Variants in HS6ST3 observed in about 807,000 individuals in gnomAD.
HS6ST3 encodes heparan-sulfate 6-O-sulfotransferase 3.
Under a neutral mutation model 36.7 loss-of-function variants are expected in HS6ST3, and 12 were observed. That is an observed-to-expected ratio of 0.33 (90% confidence interval 0.21 to 0.53). The LOEUF (loss-of-function observed/expected upper bound fraction) is 0.53. Among genes scored for constraint, HS6ST3 ranks in the 20% least tolerant of loss-of-function variants. The pLI is 0.95. For missense variants in HS6ST3, 584 were observed against 640.9 expected (o/e 0.91, Z 0.96); for synonymous variants, 240 against 257.5 (o/e 0.93, Z 0.65).
At chr13:96,756,059 C>T (rs1202079429) in intron 1 of HS6ST3, among the ~76,000 whole-genome samples, 2 of 152,172 alleles carry the variant, frequency 1.3e-5, no homozygotes, top group East Asian at 1.9e-4. Flanking sequence ...TTAGCTTACA[C>T]TTCCCTGTTT....
At chr13:96,423,879 A>C (rs2055573610) in intron 1 of HS6ST3, among the ~76,000 whole-genome samples, 1 of 152,216 alleles carries the variant, frequency 6.6e-6, no homozygotes, top group South Asian at 2.1e-4. Context: ...GTGACTGCAT[A>C]GCACGACCTG....
chr13:96,793,029 T>C (rs1877828655), intron 1 of HS6ST3, among the ~76,000 whole-genome samples: 1 of 152,058 alleles, frequency 6.6e-6, no homozygotes, highest in African/African-American at 2.4e-5. Context: ...CCATGCTTTG[T>C]AAGTTAGAAG....
intron 1 of HS6ST3, among the ~76,000 whole-genome samples, chr13:96,247,063 C>T (rs2054588013): frequency 6.6e-6 from 1 of 151,910 alleles, no homozygotes; most frequent in African/African-American, 2.4e-5. Context: ...TTTATTACAC[C>T]CTGGGCTGAG....
intron 1 of HS6ST3, among the ~76,000 whole-genome samples, chr13:96,336,555 G>T (rs1014463227): frequency 8.5e-5 from 13 of 152,144 alleles, no homozygotes; most frequent in African/African-American, 3.1e-4. Context: ...TATGTACAGG[G>T]GGAAGAGAAT....
rs546859927 is a variant in HS6ST3, at chr13:96,177,935, A to T, written c.707+86366A>T. Reference sequence around the variant, plus strand: ...AATTGTGGTTTTAAAATGATCATTTATAGGACAATTCAACACTGAGTGATG... The same window carrying T: ...AATTGTGGTTTTAAAATGATCATTTTTAGGACAATTCAACACTGAGTGATG... On this transcript the variant is annotated intron_variant, in intron 1 of 1. Coordinates refer to ENST00000376705, the MANE Select transcript of HS6ST3 (RefSeq NM_153456.4). Among the ~76,000 whole-genome samples the T allele has an allele frequency of 2.0e-5, 3 of 152,304 alleles. No individual in the cohort carries two copies. The South Asian group carries it at 6.2e-4, about 32-fold the overall frequency.
chr13:96,361,373 C>G (rs971814914), intron 1 of HS6ST3, among the ~76,000 whole-genome samples: 1 of 152,028 alleles, frequency 6.6e-6, no homozygotes, highest in Non-Finnish European at 1.5e-5. Context: ...TTATCTTATT[C>G]TGAATAATGT....
At chr13:96,614,851 A>C (rs2056468690) in intron 1 of HS6ST3, among the ~76,000 whole-genome samples, 1 of 152,202 alleles carries the variant, frequency 6.6e-6, no homozygotes, top group African/African-American at 2.4e-5. Context: ...ATTTCTACAA[A>C]TGCTGGTTAA....
chr13:96,621,021 C>T (rs1216881067), intron 1 of HS6ST3, among the ~76,000 whole-genome samples: 2 of 152,154 alleles, frequency 1.3e-5, no homozygotes, highest in East Asian at 3.9e-4. Context: ...TGTGCTTTGG[C>T]ACTTGTTTTA....
chr13:96,472,771 G>C (rs1447599716), intron 1 of HS6ST3, among the ~76,000 whole-genome samples: 1 of 152,164 alleles, frequency 6.6e-6, no homozygotes, highest in Non-Finnish European at 1.5e-5. Context: ...AAGATGAAAA[G>C]ATGAGAGGAA....
At chr13:96,285,657 G>A (rs2054797975) in intron 1 of HS6ST3, among the ~76,000 whole-genome samples, 1 of 152,164 alleles carries the variant, frequency 6.6e-6, no homozygotes. Context: ...CCTGTTTGGA[G>A]ATATAAGAGG....
chr13:96,799,982 G>GTGTA lies in HS6ST3; in HGVS notation c.708-32507_708-32506insGTAT, dbSNP rs1212913949. Among the ~76,000 whole-genome samples the GTGTA allele has an allele frequency of 6.1e-5, 5 of 82,584 alleles. 1 individual carries two copies. Among genetic ancestry groups the GTGTA allele is most frequent in the East Asian group, 5.5e-4 (2 of 3,654 alleles). The allele number at this position is 82,584 out of a possible 152,430, so 54.2% of individuals were successfully genotyped here. ...TATATATGTGTATATATATATATAT[G>GTGTA]TATATATATATATATGTATATATAT... On this transcript the variant is annotated intron_variant, in intron 1 of 1. Coordinates refer to ENST00000376705, the MANE Select transcript of HS6ST3 (RefSeq NM_153456.4).
At chr13:96,760,959 GT>G (rs1417251446) in intron 1 of HS6ST3, among the ~76,000 whole-genome samples, 1 of 151,838 alleles carries the variant, frequency 6.6e-6, no homozygotes, top group Non-Finnish European at 1.5e-5. Flanking sequence ...TATTTTTTCT[GT>G]GCTCTTGGAA....
chr13:96,738,134 A>C (rs1474007881), intron 1 of HS6ST3, among the ~76,000 whole-genome samples: 1 of 152,228 alleles, frequency 6.6e-6, no homozygotes, highest in Non-Finnish European at 1.5e-5. Flanking sequence ...TATATTACCA[A>C]AGATTATTAT....
In HS6ST3 at chr13:96,592,548, A is replaced by G. The variant is rs185930476; in HGVS notation, c.708-239942A>G. Among the ~76,000 whole-genome samples the G allele has an allele frequency of 5.9e-5, 9 of 152,268 alleles. No individual in the cohort carries two copies. The East Asian group carries it at 1.7e-3, about 29-fold the overall frequency. ...AGATGATTTCTTTTGGCTCATTAAC[A>G]TCCTTTACTTTAAGACTAAAATACT... is the stretch of plus-strand genomic sequence containing the variant. On this transcript the variant is annotated intron_variant, in intron 1 of 1. Transcript: ENST00000376705.
chr13:96,433,372 T>G (rs1483705766), intron 1 of HS6ST3, among the ~76,000 whole-genome samples: 2 of 152,182 alleles, frequency 1.3e-5, no homozygotes, highest in African/African-American at 4.8e-5. Context: ...AAATCTCACC[T>G]TGAATTGTAA....
In HS6ST3 at chr13:96,835,218, T is replaced by C. The variant is rs1316600796; in HGVS notation, c.*2020T>C. ...CCCAGAAGCATTTGTCTCTAACCCA[T>C]GTGGGTAGCCCGACCATGACAGCAC... On this transcript the variant is annotated 3_prime_UTR_variant, in exon 2 of 2. Coordinates refer to ENST00000376705, the MANE Select transcript of HS6ST3 (RefSeq NM_153456.4). The C allele has an allele frequency of 2.0e-5, 3 of 152,196 alleles. No homozygotes were observed. Among genetic ancestry groups the C allele is most frequent in the Admixed American group, 6.5e-5 (1 of 15,284 alleles). 9.4% of individuals were successfully genotyped at this position (152,196 alleles called of 1,614,324 possible).
At chr13:96,796,825 G>A (rs1473141758) in intron 1 of HS6ST3, among the ~76,000 whole-genome samples, 1 of 152,142 alleles carries the variant, frequency 6.6e-6, no homozygotes, top group Non-Finnish European at 1.5e-5. Context: ...GTTATTACTT[G>A]TCTATGAGGA....
intron 1 of HS6ST3, among the ~76,000 whole-genome samples, chr13:96,646,415 AT>A (rs1225134288): frequency 6.6e-6 from 1 of 152,054 alleles, no homozygotes; most frequent in Non-Finnish European, 1.5e-5. Context: ...AATGTGAATC[AT>A]TCTTTCTTGA....
rs1043620537 is a variant in HS6ST3, at chr13:96,754,299, G to T, written c.708-78191G>T. ...CTCTAATCTATTAACATGGTGAATT[G>T]TATTTAAAGATATCTTCTACCAAAT... is the stretch of plus-strand genomic sequence containing the variant. On this transcript the variant is annotated intron_variant, in intron 1 of 1. Coordinates refer to ENST00000376705, the MANE Select transcript of HS6ST3 (RefSeq NM_153456.4). Among the ~76,000 whole-genome samples the T allele has an allele frequency of 5.5e-4, 83 of 152,134 alleles. 1 individual carries two copies. Among genetic ancestry groups the T allele is most frequent in the African/African-American group, 2.0e-3 (82 of 41,500 alleles).
Sources: gnomAD v4.1 joint callset for allele counts (sites outside exome capture counted in the v4.1 genomes callset) on GRCh38, gnomAD v4.1.1 for gene constraint, MANE v1.5 for transcripts, NCBI Gene and HGNC (gene_info 2026-07-23, HGNC 2026-07-21) for gene names.